The following CDC42SE2 variants were observed in gnomAD, a reference collection of about 807,000 sequenced individuals.
CDC42SE2 encodes CDC42 small effector protein 2.
Under a neutral mutation model 11.5 loss-of-function variants are expected in CDC42SE2, and 3 were observed. The observed-to-expected ratio is 0.26, with a 90% CI of 0.12 to 0.67. The LOEUF is 0.67. Among genes scored for constraint, CDC42SE2 ranks in the 30% least tolerant of loss-of-function variants. The pLI, the probability that CDC42SE2 is intolerant of heterozygous loss-of-function variation, is 0.80. For synonymous variants in CDC42SE2, 33 were observed against 34.8 expected (o/e 0.95, Z 0.18); for missense variants, 82 against 106.8 (o/e 0.77, Z 1.02).
At chr5:131,301,667 A>C (rs1395570149) in intron 1 of CDC42SE2, among the ~76,000 whole-genome samples, 1 of 151,792 alleles carries the variant, frequency 6.6e-6, no homozygotes. Context: ...CTGAGGCAGG[A>C]GAATCACTTG....
At chr5:131,315,642 A>T (rs1016281227) in intron 1 of CDC42SE2, among the ~76,000 whole-genome samples, 2 of 152,200 alleles carry the variant, frequency 1.3e-5, no homozygotes, top group South Asian at 2.1e-4. Flanking sequence ...CTGGATTTTC[A>T]TGTAAAGTCC....
At chr5:131,250,550 G>T (rs1756631357) in intron 1 of CDC42SE2, among the ~76,000 whole-genome samples, 1 of 152,158 alleles carries the variant, frequency 6.6e-6, no homozygotes, top group African/African-American at 2.4e-5. Flanking sequence ...AAAGATCAAT[G>T]GTTGCCAGGG....
At chr5:131,348,654 A>G (rs1263986044) in intron 2 of CDC42SE2, among the ~76,000 whole-genome samples, 1 of 152,174 alleles carries the variant, frequency 6.6e-6, no homozygotes, top group Non-Finnish European at 1.5e-5. Context: ...TAAAGTTCAT[A>G]TGGAACCGAA....
rs1750715594 is a variant in CDC42SE2 at position 131,393,103 on chromosome 5, T to A, written c.*2012T>A. The A allele has an allele frequency of 1.3e-5, 2 of 152,392 alleles. No individual in the cohort carries two copies. Among genetic ancestry groups the A allele is most frequent in the African/African-American group, 4.8e-5 (2 of 41,466 alleles). The allele number at this position is 152,392 out of a possible 1,614,324, so 9.4% of individuals were successfully genotyped here. On this transcript the variant is annotated 3_prime_UTR_variant, in exon 5 of 5. Transcript: ENST00000505065. ...TTGTGTTCTCATTAAAATGTTTGTT[T>A]AAATCCTATGTCCAATTCAAGCCTA... is the stretch of plus-strand genomic sequence containing the variant.
chr5:131,253,282 T>C (rs536666376), intron 1 of CDC42SE2, among the ~76,000 whole-genome samples: 1 of 152,340 alleles, frequency 6.6e-6, no homozygotes, highest in East Asian at 1.9e-4. Context: ...AAAAGAGCTG[T>C]TGGAATACAT....
intron 1 of CDC42SE2, among the ~76,000 whole-genome samples, chr5:131,278,711 T>TCTCCCCTCCCCTCCCCCTCCCCCCCC (rs1757158445): frequency 2.7e-5 from 1 of 36,406 alleles, no homozygotes; most frequent in African/African-American, 1.0e-4. Flanking sequence ...TTTCCTTTCC[T>TCTCCCCTCCCCTCCCCCTCCCCCCCC]CTCCCCTCCC....
chr5:131,223,913 A>G, the CDC42SE2 span, among the ~76,000 whole-genome samples: 1 of 152,162 alleles, frequency 6.6e-6, no homozygotes, highest in Non-Finnish European at 1.5e-5. Context: ...CTCCATGTTG[A>G]TCATTCCAAG....
At chr5:131,279,910 A>T (rs1757203738) in intron 1 of CDC42SE2, among the ~76,000 whole-genome samples, 1 of 152,062 alleles carries the variant, frequency 6.6e-6, no homozygotes. Context: ...CTATCTCTAT[A>T]AAAAATACAA....
At chr5:131,278,621 A>G (rs1757155145) in intron 1 of CDC42SE2, among the ~76,000 whole-genome samples, 1 of 148,428 alleles carries the variant, frequency 6.7e-6, no homozygotes, top group Non-Finnish European at 1.5e-5. Context: ...TCAAATATTT[A>G]TCAGCAGACC....
chr5:131,376,158 G>C (rs2149783301), intron 3 of CDC42SE2, among the ~76,000 whole-genome samples: 1 of 152,132 alleles, frequency 6.6e-6, no homozygotes, highest in Admixed American at 6.5e-5. Context: ...AGAATCGCTT[G>C]AACCCAGGAG....
intron 1 of CDC42SE2, among the ~76,000 whole-genome samples, chr5:131,252,148 A>G (rs1216095758): frequency 6.6e-6 from 1 of 152,132 alleles, no homozygotes; most frequent in Non-Finnish European, 1.5e-5. Flanking sequence ...CTCACATACT[A>G]TCCTTTATGA....
chr5:131,329,104 G>T (rs934757123), intron 2 of CDC42SE2, among the ~76,000 whole-genome samples: 1 of 152,190 alleles, frequency 6.6e-6, no homozygotes, highest in Non-Finnish European at 1.5e-5. Context: ...CCTCTCTAAG[G>T]CTTCTGTGCC....
intron 1 of CDC42SE2, among the ~76,000 whole-genome samples, chr5:131,293,283 G>T (rs1349310818): frequency 2.6e-5 from 4 of 152,096 alleles, no homozygotes; most frequent in African/African-American, 4.8e-5. Context: ...AGAGAAAGTG[G>T]GCCCTCAGCC....
At chr5:131,327,855 T>G (rs1314570446) in intron 2 of CDC42SE2, among the ~76,000 whole-genome samples, 1 of 152,188 alleles carries the variant, frequency 6.6e-6, no homozygotes, top group African/African-American at 2.4e-5. Flanking sequence ...CATATTATCT[T>G]TATATACTCT....
chr5:131,292,161 C>T (rs1757469460), intron 1 of CDC42SE2, among the ~76,000 whole-genome samples: 1 of 146,940 alleles, frequency 6.8e-6, no homozygotes, highest in Admixed American at 6.9e-5. Context: ...ATCGCTTGAG[C>T]CTGGGAGGCG....
At chr5:131,354,549 T>C (rs1188708278) in intron 2 of CDC42SE2, 2 of 152,230 alleles carry the variant, frequency 1.3e-5, no homozygotes, top group East Asian at 1.9e-4. Context: ...ATGTTTCTTA[T>C]CTCGCCATGT....
chr5:131,385,840 G>T (rs376157230), intron 4 of CDC42SE2, among the ~76,000 whole-genome samples, 196 bp downstream of exon 4: 96 of 152,276 alleles, frequency 6.3e-4, no homozygotes, highest in African/African-American at 2.3e-3. Context: ...CCTGGATTAG[G>T]TATTTGTTTC....
intron 2 of CDC42SE2, among the ~76,000 whole-genome samples, chr5:131,348,652 A>C (rs1034766749): frequency 1.3e-5 from 2 of 152,198 alleles, no homozygotes; most frequent in African/African-American, 4.8e-5. Context: ...TTTAAAGTTC[A>C]TATGGAACCG....
chr5:131,340,327 C>T (rs1194296167), intron 2 of CDC42SE2, among the ~76,000 whole-genome samples: 1 of 152,162 alleles, frequency 6.6e-6, no homozygotes, highest in African/African-American at 2.4e-5. Flanking sequence ...TCATCTGGAA[C>T]ATGTATCATC....
Sources: gnomAD v4.1 joint callset for allele counts (sites outside exome capture counted in the v4.1 genomes callset) on GRCh38, gnomAD v4.1.1 for gene constraint, MANE v1.5 for transcripts, NCBI Gene and HGNC (gene_info 2026-07-23, HGNC 2026-07-21) for gene names.